SHISA5: variants seen among roughly 807,000 people sequenced by gnomAD.
SHISA5 encodes shisa family member 5, also known as protein shisa-5.
In SHISA5, 21 loss-of-function variants were observed where a neutral mutation model predicts 27.5. The ratio of observed to expected loss-of-function variants is 0.76; its 90% confidence interval spans 0.54 to 1.10. The LOEUF is 1.10. Among genes scored for constraint, SHISA5 ranks in the 50% least tolerant of loss-of-function variants. The pLI, the probability that SHISA5 is intolerant of heterozygous loss-of-function variation, is 0.00. For synonymous variants in SHISA5, 137 were observed against 142.2 expected, an observed-to-expected ratio of 0.96 and a Z score of 0.26; for missense variants, 314 against 336.3, an observed-to-expected ratio of 0.93 and a Z score of 0.52.
intron 3 of SHISA5, among the ~76,000 whole-genome samples, chr3:48,471,035 A>G (rs1028027976): frequency 1.3e-5 from 2 of 151,494 alleles, no homozygotes; most frequent in Non-Finnish European, 2.9e-5. Flanking sequence ...TTCTTTTTTA[A>G]TTTATTTTTT....
chr3:48,480,849 C>T (rs760323161), intron 2 of SHISA5, among the ~76,000 whole-genome samples: 6 of 152,036 alleles, frequency 3.9e-5, no homozygotes, highest in Non-Finnish European at 5.9e-5. Context: ...AATCCCAGTG[C>T]TTTGAGAGAT....
intron 2 of SHISA5, among the ~76,000 whole-genome samples, chr3:48,490,920 G>A (rs1560131509): frequency 6.6e-6 from 1 of 152,158 alleles, no homozygotes; most frequent in Non-Finnish European, 1.5e-5. Flanking sequence ...GCAGCCACTA[G>A]AAGACTTCAG....
Position 48,503,030 on chromosome 3 carries a change from C to T in SHISA5, c.76+989G>A, listed in dbSNP as rs563379856. The T allele has an allele frequency of 2.4e-4, 279 of 1,148,032 alleles. No homozygotes were observed. The African/African-American group carries it at 4.2e-3, about 17-fold the overall frequency. 71.1% of individuals were successfully genotyped at this position (1,148,032 alleles called of 1,614,324 possible). A position where few individuals can be genotyped will look rare whatever the true frequency, so the allele number is the denominator to read the frequency against. ...CTTGGCAGCTCCAGGCAGAACCCTG[C>T]TCTGGGCAAAGCCATGGAGCAGAGG... is the stretch of plus-strand genomic sequence containing the variant. On this transcript the variant is annotated intron_variant, in intron 1 of 5. Coordinates refer to ENST00000296444, the MANE Select transcript of SHISA5 (RefSeq NM_016479.6).
intron 2 of SHISA5, among the ~76,000 whole-genome samples, chr3:48,482,980 A>G (rs2041071561): frequency 6.6e-6 from 1 of 152,070 alleles, no homozygotes; most frequent in Non-Finnish European, 1.5e-5. Context: ...GCTGGAATGC[A>G]GTGGTGTGAT....
At chr3:48,502,925 G>A (rs1310690277) in intron 1 of SHISA5, among the ~76,000 whole-genome samples, 1 of 152,236 alleles carries the variant, frequency 6.6e-6, no homozygotes, top group Non-Finnish European at 1.5e-5. Flanking sequence ...TGTCAGTAGA[G>A]TGAAGCCCAG....
intron 1 of SHISA5, among the ~76,000 whole-genome samples, chr3:48,502,785 G>C (rs1560137319): frequency 6.6e-6 from 1 of 152,222 alleles, no homozygotes; most frequent in African/African-American, 2.4e-5. Flanking sequence ...ATAGCCCTGA[G>C]GCATAACTAC....
intron 2 of SHISA5, among the ~76,000 whole-genome samples, chr3:48,500,144 C>G (rs955622332): frequency 6.6e-6 from 1 of 152,138 alleles, no homozygotes; most frequent in African/African-American, 2.4e-5. Flanking sequence ...GGATTCACAC[C>G]ATTCAGAGGG....
At chr3:48,488,261 T>C (rs2041310059) in intron 2 of SHISA5, among the ~76,000 whole-genome samples, 3 of 148,994 alleles carry the variant, frequency 2.0e-5, no homozygotes, top group Admixed American at 1.3e-4. Flanking sequence ...TTTTTTTTTT[T>C]TTTGTGAGAC....
chr3:48,479,442 G>A, intron 2 of SHISA5, 185 bp from the exon 3 acceptor site: 1 of 606,288 alleles, frequency 1.6e-6, no homozygotes. Context: ...CCTCTCAGGT[G>A]TCCACCAGAC....
At chr3:48,492,206 C>T (rs1308423089) in intron 2 of SHISA5, among the ~76,000 whole-genome samples, 2 of 140,940 alleles carry the variant, frequency 1.4e-5, no homozygotes, top group East Asian at 4.4e-4. Flanking sequence ...CGCGGTGGCT[C>T]ACGCCTGTAA....
Position 48,468,047 on chromosome 3 carries a change from G to C in SHISA5, c.*1060C>G, listed in dbSNP as rs1062992. ...GGCCCCACACCCCACCTTTGGTCCA[G>C]ATGGCCCATTGGCCCAGGTGTCCCT... is the stretch of plus-strand genomic sequence containing the variant. On this transcript the variant is annotated 3_prime_UTR_variant, in exon 6 of 6. Coordinates refer to ENST00000296444, the MANE Select transcript of SHISA5 (RefSeq NM_016479.6). The C allele has an allele frequency of 1.5e-6, 1 of 676,292 alleles. No homozygotes were observed. The highest frequency in any genetic ancestry group is 1.9e-5 in the African/African-American group (1 of 51,374). The allele number at this position is 676,292 out of a possible 1,614,324, so 41.9% of individuals were successfully genotyped here. A position where few individuals can be genotyped will look rare whatever the true frequency, so the allele number is the denominator to read the frequency against.
chr3:48,468,494 CT>C lies in SHISA5; in HGVS notation c.*612del. On this transcript the variant is annotated 3_prime_UTR_variant, in exon 6 of 6. Transcript: ENST00000296444. ...CCTGAGGTGTTCTGGCATCAGGAGGCTGCCTGATCCCCAACAGGCATGACAG... is the reference window on the plus strand; with the variant it reads ...CCTGAGGTGTTCTGGCATCAGGAGGCGCCTGATCCCCAACAGGCATGACAG... The C allele has an allele frequency of 8.5e-7, 1 of 1,182,426 alleles. No homozygotes were observed. The allele number at this position is 1,182,426 out of a possible 1,614,324, so 73.2% of individuals were successfully genotyped here.
intron 2 of SHISA5, chr3:48,479,526 A>AG: frequency 2.0e-6 from 1 of 501,586 alleles, no homozygotes; most frequent in South Asian, 3.2e-5. Context: ...TACCATACAA[A>AG]GGATCTTCTC....
chr3:48,498,689 GAAAAA>G (rs11294310), intron 2 of SHISA5, among the ~76,000 whole-genome samples: 3 of 80,644 alleles, frequency 3.7e-5, no homozygotes, highest in Admixed American at 1.6e-4. Flanking sequence ...TCTCCAGAAA[GAAAAA>G]AAAAAAAAAA....
intron 1 of SHISA5, chr3:48,503,614 T>C (rs1193340998): frequency 2.6e-6 from 2 of 767,410 alleles, no homozygotes; most frequent in Non-Finnish European, 3.3e-6. Context: ...GAGGCAGCGG[T>C]GGGGGCTCCC....
chr3:48,496,129 A>AG (rs2041540363), intron 2 of SHISA5, among the ~76,000 whole-genome samples: 1 of 143,034 alleles, frequency 7.0e-6, no homozygotes, highest in Admixed American at 6.8e-5. Context: ...TGCTAAAAAA[A>AG]AAAAATGCAA....
In SHISA5 at chr3:48,470,455, G is replaced by A. The variant is rs1308614841; in HGVS notation, c.315-612C>T. Reference sequence around the variant, plus strand: ...AGTTGCCTCTGCCTGCAAGCTTGCTGTATGCCAAGCACCGTGCCAGGGGTC... The same window carrying A: ...AGTTGCCTCTGCCTGCAAGCTTGCTATATGCCAAGCACCGTGCCAGGGGTC... On this transcript the variant is annotated intron_variant, in intron 3 of 5. Coordinates refer to ENST00000296444, the MANE Select transcript of SHISA5 (RefSeq NM_016479.6). This position sits in a 1 kb window ranked among gnomAD's most constrained non-coding sequence, Gnocchi z 4.3. Among the ~76,000 whole-genome samples the A allele has an allele frequency of 6.6e-6, 1 of 152,208 alleles. No homozygotes were observed. The highest frequency in any genetic ancestry group is 1.5e-5 in the Non-Finnish European group (1 of 68,036).
chr3:48,483,097 T>TA (rs2041076378), intron 2 of SHISA5, among the ~76,000 whole-genome samples: 1 of 151,580 alleles, frequency 6.6e-6, no homozygotes, highest in Admixed American at 6.6e-5. Flanking sequence ...GCTAATTTTT[T>TA]TTTTTTTTTT....
chr3:48,491,930 C>T (rs537113344), intron 2 of SHISA5, among the ~76,000 whole-genome samples: 7 of 152,074 alleles, frequency 4.6e-5, no homozygotes, highest in African/African-American at 1.7e-4. Context: ...GCATTTCTGG[C>T]TTCACAGGTT....
Sources: gnomAD v4.1 joint callset for allele counts (sites outside exome capture counted in the v4.1 genomes callset) on GRCh38, gnomAD v4.1.1 for gene constraint, Gnocchi (gnomAD v3.1) non-coding constraint, MANE v1.5 for transcripts, NCBI Gene and HGNC (gene_info 2026-07-23, HGNC 2026-07-21) for gene names.